RPS6KA5: variants seen among roughly 807,000 people sequenced by gnomAD.
RPS6KA5 encodes the protein ribosomal protein S6 kinase alpha-5.
RPS6KA5 carries 27 observed loss-of-function variants against 85.5 expected under a neutral mutation model. The ratio of observed to expected loss-of-function variants is 0.32; its 90% CI spans 0.23 to 0.44. RPS6KA5 has a LOEUF of 0.44. Among genes scored for constraint, RPS6KA5 ranks in the 20% least tolerant of loss-of-function variants. The pLI is 1.00. For synonymous variants in RPS6KA5, 334 were observed against 348.2 expected (o/e 0.96, Z 0.46); for missense variants, 811 against 980.9 (o/e 0.83, Z 2.31).
At position 90,868,000 on chromosome 14, in the gene RPS6KA5, G is replaced by A. The variant is rs2032872833; in HGVS notation, c.*4074C>T. On this transcript the variant is annotated 3_prime_UTR_variant, in exon 17 of 17. Coordinates refer to ENST00000614987, the MANE Select transcript of RPS6KA5 (RefSeq NM_004755.4). ...AGCAATATAGAAGGTGAGGACAGAAGTGAGGCTAATCAAATGTTCTTAGCA... is the reference window on the plus strand; with the variant it reads ...AGCAATATAGAAGGTGAGGACAGAAATGAGGCTAATCAAATGTTCTTAGCA... The A allele has an allele frequency of 6.6e-6, 1 of 152,152 alleles. No individual in the cohort carries two copies. Among genetic ancestry groups the A allele is most frequent in the African/African-American group, 2.4e-5 (1 of 41,438 alleles). 9.4% of individuals were successfully genotyped at this position (152,152 alleles called of 1,614,324 possible).
intron 3 of RPS6KA5, among the ~76,000 whole-genome samples, chr14:90,957,038 C>A (rs1471159851): frequency 6.7e-6 from 1 of 149,196 alleles, no homozygotes; most frequent in African/African-American, 2.5e-5. Flanking sequence ...CCATCCCCAA[C>A]CCTGGTGTTT....
At chr14:90,937,029 G>A (rs570669287) in intron 5 of RPS6KA5, among the ~76,000 whole-genome samples, 1 of 152,028 alleles carries the variant, frequency 6.6e-6, no homozygotes, top group African/African-American at 2.4e-5. Context: ...CATGTAAGAA[G>A]AGTACAGCAT....
intron 5 of RPS6KA5, among the ~76,000 whole-genome samples, chr14:90,939,571 G>T (rs2037461053): frequency 6.6e-6 from 1 of 152,208 alleles, no homozygotes; most frequent in African/African-American, 2.4e-5. Flanking sequence ...TCACAATCAT[G>T]GTGGAAGGCA....
At chr14:90,904,166 G>C (rs778492484) in intron 8 of RPS6KA5, among the ~76,000 whole-genome samples, 12 of 152,110 alleles carry the variant, frequency 7.9e-5, no homozygotes, top group Non-Finnish European at 1.0e-4. Context: ...AGCCAGGATG[G>C]TCTCGATCTC....
intron 5 of RPS6KA5, 61 bp downstream of exon 5, chr14:90,943,017 G>T: frequency 3.1e-6 from 3 of 960,538 alleles, no homozygotes; most frequent in Non-Finnish European, 5.1e-6. Flanking sequence ...TTATTCTACG[G>T]CTAAGTTTTC....
In RPS6KA5 at chr14:90,988,604, G is replaced by C. The variant is rs2040164488; in HGVS notation, c.176-10080C>G. On this transcript the variant is annotated intron_variant, in intron 2 of 16. Transcript: ENST00000614987. ...GGCCGAGGCGGGTGCATCACCTGAG[G>C]TCAGGTGAGACCAGCCTGGCCAACT... Among the ~76,000 whole-genome samples the C allele has an allele frequency of 3.3e-5, 5 of 152,238 alleles. No individual in the cohort carries two copies. The South Asian group carries it at 1.0e-3, about 32-fold the overall frequency.
chr14:90,956,964 G>GTTT (rs61106740), intron 3 of RPS6KA5, among the ~76,000 whole-genome samples: 4 of 123,356 alleles, frequency 3.2e-5, no homozygotes, highest in South Asian at 2.5e-4. Flanking sequence ...CTGTTTTTCT[G>GTTT]TTTTTTTTTT....
Position 90,861,587 on chromosome 14 carries a change from T to C in RPS6KA5, c.*10487A>G, listed in dbSNP as rs1291867304. 6.6e-6 allele frequency: 1 copy of C among 150,788 alleles called. No homozygotes were observed. Among genetic ancestry groups the C allele is most frequent in the African/African-American group, 2.4e-5 (1 of 41,056 alleles). 9.3% of individuals were successfully genotyped at this position (150,788 alleles called of 1,614,324 possible). On this transcript the variant is annotated 3_prime_UTR_variant, in exon 17 of 17. Coordinates refer to ENST00000614987, the MANE Select transcript of RPS6KA5 (RefSeq NM_004755.4). ...ATATAGAGATAAAACATACATAGAA[T>C]GTAGAAGTAAAATACATGACAACAA...
At chr14:91,053,678 T>C (rs2043188469) in intron 1 of RPS6KA5, among the ~76,000 whole-genome samples, 1 of 152,170 alleles carries the variant, frequency 6.6e-6, no homozygotes, top group Non-Finnish European at 1.5e-5. Context: ...CGGAAAAACG[T>C]TGTTGAAAGT....
chr14:91,018,855 G>A (rs2041616175), intron 1 of RPS6KA5, among the ~76,000 whole-genome samples: 1 of 151,986 alleles, frequency 6.6e-6, no homozygotes, highest in South Asian at 2.1e-4. Flanking sequence ...TCCCTATCAT[G>A]TATACATATA....
intron 5 of RPS6KA5, among the ~76,000 whole-genome samples, chr14:90,938,039 C>T (rs2037368875): frequency 6.6e-6 from 1 of 152,196 alleles, no homozygotes; most frequent in South Asian, 2.1e-4. Flanking sequence ...GTCTCTTCCA[C>T]CTATGAGCCT....
In RPS6KA5 at chr14:90,943,317, C is replaced by T. The variant is rs1050674902; in HGVS notation, c.511-132G>A. On this transcript the variant is annotated intron_variant, in intron 4 of 16. Transcript: ENST00000614987. The stretch of plus-strand genomic sequence containing the variant: ...CCCTCCTCAGGATCCTGTAATGGCT[C>T]TTGGTGATTGGTCAGGGAAAATGGA... The T allele has an allele frequency of 8.6e-6, 5 of 578,578 alleles. No homozygotes were observed. In the East Asian group the frequency reaches 1.5e-4, roughly 17 times the overall value. 35.8% of individuals were successfully genotyped at this position (578,578 alleles called of 1,614,324 possible).
intron 12 of RPS6KA5, 37 bp downstream of exon 12, chr14:90,899,292 G>C: frequency 7.7e-7 from 1 of 1,304,104 alleles, no homozygotes; most frequent in South Asian, 1.2e-5. Context: ...AAGTGAATTA[G>C]TACACATGGG....
intron 14 of RPS6KA5, among the ~76,000 whole-genome samples, chr14:90,877,754 T>A (rs777495983): frequency 6.6e-6 from 1 of 152,156 alleles, no homozygotes; most frequent in African/African-American, 2.4e-5. Context: ...GCCTAGAGTA[T>A]AACCCAGTTA....
intron 2 of RPS6KA5, among the ~76,000 whole-genome samples, chr14:90,998,539 A>T (rs1296709749): frequency 6.6e-6 from 1 of 152,218 alleles, no homozygotes; most frequent in Non-Finnish European, 1.5e-5. Flanking sequence ...TCACCACAGA[A>T]CTGTGATCCT....
intron 5 of RPS6KA5, among the ~76,000 whole-genome samples, chr14:90,938,475 G>A (rs2037397710): frequency 6.6e-6 from 1 of 152,184 alleles, no homozygotes; most frequent in African/African-American, 2.4e-5. Context: ...CTCTGTGTAG[G>A]GGATCCGACG....
intron 1 of RPS6KA5, among the ~76,000 whole-genome samples, chr14:91,036,054 A>G (rs2042397285): frequency 6.6e-6 from 1 of 151,980 alleles, no homozygotes; most frequent in Non-Finnish European, 1.5e-5. Context: ...CAGGACTCAA[A>G]AAAGAAACAG....
intron 5 of RPS6KA5, among the ~76,000 whole-genome samples, chr14:90,923,530 C>T (rs1286128): frequency 0.8 from 121,568 of 152,080 alleles, 48,886 homozygotes; most frequent in East Asian, 0.97. Flanking sequence ...ATTTCAGTTG[C>T]TGATTTAACC....
chr14:90,929,565 T>C (rs2036862576), intron 5 of RPS6KA5, among the ~76,000 whole-genome samples: 1 of 152,054 alleles, frequency 6.6e-6, no homozygotes, highest in Non-Finnish European at 1.5e-5. Flanking sequence ...GTATAAAATA[T>C]TACAGATAAT....
Sources: gnomAD v4.1 joint callset for allele counts (sites outside exome capture counted in the v4.1 genomes callset) on GRCh38, gnomAD v4.1.1 for gene constraint, MANE v1.5 for transcripts, NCBI Gene and HGNC (gene_info 2026-07-23, HGNC 2026-07-21) for gene names.